EVC2: variants seen among roughly 807,000 people sequenced by gnomAD.
The protein encoded by EVC2 is EvC ciliary complex subunit 2.
EVC2 carries 148 observed loss-of-function variants against 149.3 expected under a neutral mutation model. That is an observed-to-expected ratio of 0.99 (90% confidence interval 0.87 to 1.14). The LOEUF (loss-of-function observed/expected upper bound fraction) is 1.14. Ranked by LOEUF, EVC2 falls within the 50% of genes most tolerant of loss-of-function variation. EVC2 has a pLI of 0.00. For synonymous variants in EVC2, 776 were observed against 649.9 expected (o/e 1.19, Z -2.95); for missense variants, 1,854 against 1,627.3 (o/e 1.14, Z -2.40).
At chr4:5,610,094 G>T (rs1714698728) in intron 16 of EVC2, among the ~76,000 whole-genome samples, 1 of 152,128 alleles carries the variant, frequency 6.6e-6, no homozygotes, top group African/African-American at 2.4e-5. Flanking sequence ...AGCAATGACA[G>T]TGGCACTTCT....
At chr4:5,651,605 G>C (rs1401970898) in intron 9 of EVC2, among the ~76,000 whole-genome samples, 1 of 152,226 alleles carries the variant, frequency 6.6e-6, no homozygotes, top group Non-Finnish European at 1.5e-5. Context: ...CTGAAGGTTA[G>C]ATGACAATCA....
At chr4:5,533,432 C>T in the EVC2 span, among the ~76,000 whole-genome samples, 1 of 152,134 alleles carries the variant, frequency 6.6e-6, no homozygotes, top group East Asian at 1.9e-4. Flanking sequence ...GAGGAGAGGT[C>T]GGGCAAGGAA....
intron 1 of EVC2, among the ~76,000 whole-genome samples, chr4:5,707,870 G>A (rs1722317547): frequency 6.6e-6 from 1 of 152,100 alleles, no homozygotes; most frequent in Admixed American, 6.5e-5. Context: ...TTTAAAAACC[G>A]CTGCAATTTC....
intron 16 of EVC2, among the ~76,000 whole-genome samples, chr4:5,590,115 C>T (rs1014249788): frequency 6.6e-6 from 1 of 151,936 alleles, no homozygotes; most frequent in Admixed American, 6.6e-5. Flanking sequence ...ACTTGTGAGG[C>T]TGAATTAGAT....
intron 9 of EVC2, among the ~76,000 whole-genome samples, chr4:5,658,653 C>T (rs1718686213): frequency 6.6e-6 from 1 of 152,190 alleles, no homozygotes; most frequent in African/African-American, 2.4e-5. Context: ...AATCTAAGCT[C>T]AGTCTTTTTA....
At chr4:5,658,633 ACT>A (rs899348304) in intron 9 of EVC2, among the ~76,000 whole-genome samples, 39 of 152,194 alleles carry the variant, frequency 2.6e-4, no homozygotes, top group African/African-American at 9.2e-4. Context: ...ACGTTCTTTG[ACT>A]CTGAAAAAAT....
chr4:5,663,338 G>A (rs1053933430), intron 8 of EVC2, 92 bp from the exon 9 acceptor site: 26 of 1,567,218 alleles, frequency 1.7e-5, no homozygotes, highest in Non-Finnish European at 2.2e-5. Context: ...GGGGTCTGCA[G>A]TCTGAGCACC....
intron 7 of EVC2, among the ~76,000 whole-genome samples, chr4:5,675,673 G>A (rs35450365): frequency 0.23 from 35,335 of 151,986 alleles, 4,446 homozygotes; most frequent in East Asian, 0.48. Flanking sequence ...GCCTGGGTGC[G>A]GTGGCTCATG....
Position 5,570,019 on chromosome 4 carries a change from C to T in EVC2, c.3361-1379G>A, listed in dbSNP as rs77255974. Among the ~76,000 whole-genome samples, 651 of 152,264 alleles carry T rather than the reference C, an allele frequency of 4.3e-3. 6 individuals carry two copies. The highest frequency in any genetic ancestry group is 0.015 in the African/African-American group (627 of 41,552). On this transcript the variant is annotated intron_variant, in intron 19 of 21. Transcript: ENST00000344408. ...TAAGCTACTCTCTGTCTCTCTCCAG[C>T]GCATTCTTTTGGACTCTACATGAGT... is the stretch of plus-strand genomic sequence containing the variant.
chr4:5,708,049 G>A (rs1442170106), intron 1 of EVC2: 1 of 417,458 alleles, frequency 2.4e-6, no homozygotes, highest in Non-Finnish European at 4.2e-6. Flanking sequence ...ATTCGAACCA[G>A]GGTCGCTGGT....
intron 10 of EVC2, among the ~76,000 whole-genome samples, chr4:5,635,645 C>T (rs1324446151): frequency 2.0e-5 from 3 of 152,208 alleles, no homozygotes; most frequent in Non-Finnish European, 4.4e-5. Context: ...TCATACTCCC[C>T]ATACTCAGAA....
intron 15 of EVC2, among the ~76,000 whole-genome samples, chr4:5,616,923 G>A (rs886197111): frequency 5.3e-5 from 8 of 152,348 alleles, no homozygotes; most frequent in African/African-American, 1.9e-4. Context: ...GGACTCACCA[G>A]CTTCAAGGCA....
At chr4:5,583,462 G>A (rs1007773972) in intron 17 of EVC2, among the ~76,000 whole-genome samples, 11 of 152,146 alleles carry the variant, frequency 7.2e-5, no homozygotes, top group East Asian at 1.9e-4. Context: ...GCTCATCTAC[G>A]AAACTACTGG....
the EVC2 span, among the ~76,000 whole-genome samples, chr4:5,536,808 C>G: frequency 6.6e-6 from 1 of 151,828 alleles, no homozygotes; most frequent in Non-Finnish European, 1.5e-5. Context: ...AGTCATTATC[C>G]CTAACATATA....
intron 6 of EVC2, among the ~76,000 whole-genome samples, chr4:5,684,872 G>C (rs1326744920): frequency 6.6e-6 from 1 of 152,116 alleles, no homozygotes. Context: ...TGCAGCCAGG[G>C]AAGGCCTTAG....
chr4:5,695,483 C>A (rs7661274), intron 2 of EVC2, among the ~76,000 whole-genome samples: 5,205 of 152,288 alleles, frequency 0.034, 258 homozygotes, highest in African/African-American at 0.12. Context: ...GCTGGGCTGT[C>A]AGGGTCCCTC....
intron 16 of EVC2, among the ~76,000 whole-genome samples, chr4:5,605,119 A>C (rs1175754479): frequency 6.6e-6 from 1 of 152,200 alleles, no homozygotes; most frequent in African/African-American, 2.4e-5. Flanking sequence ...AATAACATAC[A>C]AAATATTACT....
At chr4:5,647,235 G>T (rs1409463166) in intron 9 of EVC2, among the ~76,000 whole-genome samples, 1 of 152,170 alleles carries the variant, frequency 6.6e-6, no homozygotes, top group Non-Finnish European at 1.5e-5. Flanking sequence ...CTGGGTAGAT[G>T]AGGCCACGTG....
At chr4:5,592,600 T>C (rs1712913355) in intron 16 of EVC2, among the ~76,000 whole-genome samples, 1 of 152,144 alleles carries the variant, frequency 6.6e-6, no homozygotes, top group African/African-American at 2.4e-5. Flanking sequence ...AGTAAAGACT[T>C]GAAATTGGTG....
Sources: gnomAD v4.1 joint callset for allele counts (sites outside exome capture counted in the v4.1 genomes callset) on GRCh38, gnomAD v4.1.1 for gene constraint, MANE v1.5 for transcripts, NCBI Gene and HGNC (gene_info 2026-07-23, HGNC 2026-07-21) for gene names.